Variants in ROBO2 observed in about 807,000 individuals in gnomAD.
The protein encoded by ROBO2 is roundabout homolog 2.
ROBO2 carries 53 observed loss-of-function variants against 160.8 expected under a neutral mutation model. The observed-to-expected ratio is 0.33, with a 90% CI of 0.26 to 0.41. ROBO2 has a LOEUF of 0.41. Among genes scored for constraint, ROBO2 ranks in the 10% least tolerant of loss-of-function variants. The pLI, the probability that ROBO2 is intolerant of heterozygous loss-of-function variation, is 1.00. For missense variants in ROBO2, 1,577 were observed against 1,722.4 expected, an observed-to-expected ratio of 0.92 and a Z score of 1.49; for synonymous variants, 664 against 611.7, an observed-to-expected ratio of 1.09 and a Z score of -1.26.
chr3:77,346,402 C>T (rs2067644024), intron 2 of ROBO2, among the ~76,000 whole-genome samples: 1 of 152,074 alleles, frequency 6.6e-6, no homozygotes, highest in South Asian at 2.1e-4. Flanking sequence ...TTTATTACTC[C>T]TCATTCTACT....
chr3:77,327,416 T>A (rs2065513849), intron 2 of ROBO2, among the ~76,000 whole-genome samples: 1 of 152,146 alleles, frequency 6.6e-6, no homozygotes, highest in African/African-American at 2.4e-5. Context: ...AAGAACTAGA[T>A]AAATAACAAA....
chr3:76,398,330 TGGGGGGA>T lies in ROBO2; in HGVS notation c.109+460731_109+460737del, dbSNP rs1249431012. Among the ~76,000 whole-genome samples the T allele has an allele frequency of 3.4e-5, 3 of 87,674 alleles. No homozygotes were observed. In the East Asian group the frequency reaches 1.4e-3, roughly 40 times the overall value. 57.5% of individuals were successfully genotyped at this position (87,674 alleles called of 152,430 possible). A position where few individuals can be genotyped will look rare whatever the true frequency, so the allele number is the denominator to read the frequency against. On this transcript the variant is annotated intron_variant, in intron 2 of 26. Coordinates refer to the ROBO2 transcript ENST00000487694. ...TCACACTCTGGGGACTGTTGTGGGGTGGGGGGAGGAGGGAGGGATAGCATTAGGAGAT... is the reference window on the plus strand; with the variant it reads ...TCACACTCTGGGGACTGTTGTGGGGTGGAGGGAGGGATAGCATTAGGAGAT...
chr3:77,131,023 A>AAT (rs1425540461), intron 2 of ROBO2, among the ~76,000 whole-genome samples: 2 of 152,082 alleles, frequency 1.3e-5, no homozygotes, highest in African/African-American at 2.4e-5. Flanking sequence ...TTTCCTTTGA[A>AAT]ATATATATAT....
rs10713218 is a variant in ROBO2, at chr3:76,331,690, A to ATT, written c.109+394102_109+394103dup. Reference sequence around the variant, plus strand: ...TTGTTCTATTTTAAGTAATATTTGAATTTTTTTTTTTTTTTCGAGACGTAA... The same window carrying ATT: ...TTGTTCTATTTTAAGTAATATTTGAATTTTTTTTTTTTTTTTTCGAGACGTAA... On this transcript the variant is annotated intron_variant, in intron 2 of 26. Transcript: ENST00000487694. Among the ~76,000 whole-genome samples, 438 of 144,386 alleles carry ATT rather than the reference A, an allele frequency of 3.0e-3. 3 individuals are homozygous for ATT. Among genetic ancestry groups the ATT allele is most frequent in the Non-Finnish European group, 5.3e-3 (353 of 66,202 alleles). The allele number at this position is 144,386 out of a possible 152,430, so 94.7% of individuals were successfully genotyped here.
At position 76,075,428 on chromosome 3, in the gene ROBO2, A is replaced by G. The variant is rs1163416837; in HGVS notation, c.109+137826A>G. Among the ~76,000 whole-genome samples the G allele has an allele frequency of 2.6e-5, 4 of 151,204 alleles. No homozygotes were observed. In the East Asian group the frequency reaches 7.8e-4, roughly 30 times the overall value. On this transcript the variant is annotated intron_variant, in intron 2 of 26. Coordinates refer to the ROBO2 transcript ENST00000487694. ...CTGTCTTTGCCTCCTGTCTGGAGTT[A>G]AATGAGGGATATTTTTAAAAATGTT...
chr3:76,061,886 A>G (rs1370095957), intron 2 of ROBO2, among the ~76,000 whole-genome samples: 1 of 152,094 alleles, frequency 6.6e-6, no homozygotes, highest in Non-Finnish European at 1.5e-5. Context: ...GGCCACCCGC[A>G]TTCTTTGGCC....
At chr3:76,224,080 G>A (rs558849325) in intron 2 of ROBO2, among the ~76,000 whole-genome samples, 9 of 152,242 alleles carry the variant, frequency 5.9e-5, no homozygotes, top group African/African-American at 1.7e-4. Context: ...AACTACATGA[G>A]CCATTTTCTA....
chr3:76,647,798 GA>G (rs1488167886), intron 2 of ROBO2, among the ~76,000 whole-genome samples: 1 of 152,068 alleles, frequency 6.6e-6, no homozygotes, highest in Non-Finnish European at 1.5e-5. Context: ...AAAAATGGGG[GA>G]AAGAAGATCT....
At chr3:75,981,909 C>T (rs898816562) in intron 2 of ROBO2, among the ~76,000 whole-genome samples, 1 of 151,360 alleles carries the variant, frequency 6.6e-6, no homozygotes, top group African/African-American at 2.4e-5. Context: ...CCTCTGCCCC[C>T]TCCCAAAAAC....
intron 2 of ROBO2, among the ~76,000 whole-genome samples, chr3:76,060,725 G>T (rs988244425): frequency 1.3e-5 from 2 of 152,154 alleles, no homozygotes; most frequent in African/African-American, 4.8e-5. Context: ...TACAACTCTT[G>T]AATTTTTTCA....
chr3:76,541,560 T>G (rs1018348332), intron 2 of ROBO2, among the ~76,000 whole-genome samples: 3 of 152,154 alleles, frequency 2.0e-5, no homozygotes, highest in Non-Finnish European at 2.9e-5. Context: ...TAAAGACAAG[T>G]GAGAATTGGC....
chr3:76,269,098 T>G (rs1174335862), intron 2 of ROBO2, among the ~76,000 whole-genome samples: 1 of 152,112 alleles, frequency 6.6e-6, no homozygotes, highest in Non-Finnish European at 1.5e-5. Context: ...TAGTATTTGA[T>G]AGCACAGCAG....
At chr3:76,131,427 A>T (rs1326841519) in intron 2 of ROBO2, among the ~76,000 whole-genome samples, 1 of 152,144 alleles carries the variant, frequency 6.6e-6, no homozygotes, top group African/African-American at 2.4e-5. Flanking sequence ...TGAAAAAATA[A>T]TGTGAGATTG....
chr3:76,103,185 A>G (rs974064942), intron 2 of ROBO2, among the ~76,000 whole-genome samples: 3 of 152,202 alleles, frequency 2.0e-5, no homozygotes, highest in African/African-American at 7.2e-5. Context: ...TTCCAGGTAC[A>G]GGAGAAAGTC....
chr3:77,523,050 A>G, intron 6 of ROBO2, 148 bp downstream of exon 6: 1 of 854,446 alleles, frequency 1.2e-6, no homozygotes, highest in Non-Finnish European at 1.9e-6. Context: ...CATTAGTTGA[A>G]ATAAAATTAC....
At chr3:76,880,001 G>A (rs540056087) in intron 2 of ROBO2, among the ~76,000 whole-genome samples, 17 of 152,250 alleles carry the variant, frequency 1.1e-4, no homozygotes, top group South Asian at 2.1e-4. Flanking sequence ...AGTTCTCAGA[G>A]TAATGATTTA....
At chr3:76,969,067 T>C (rs1416521961) in intron 2 of ROBO2, among the ~76,000 whole-genome samples, 1 of 152,172 alleles carries the variant, frequency 6.6e-6, no homozygotes, top group Non-Finnish European at 1.5e-5. Context: ...AAATAAAGAC[T>C]TGGAGTAAGT....
chr3:76,131,522 A>G (rs1466888865), intron 2 of ROBO2, among the ~76,000 whole-genome samples: 1 of 152,108 alleles, frequency 6.6e-6, no homozygotes, highest in Admixed American at 6.6e-5. Flanking sequence ...ACAGAGCAAG[A>G]GGCTGAACCA....
intron 2 of ROBO2, among the ~76,000 whole-genome samples, chr3:76,987,650 G>T (rs192318073): frequency 6.6e-6 from 1 of 152,084 alleles, no homozygotes; most frequent in African/African-American, 2.4e-5. Context: ...AAAAGCCAGT[G>T]ATATTTTATG....
Sources: allele counts gnomAD v4.1 joint callset (sites outside exome capture counted in the v4.1 genomes callset), GRCh38; gene constraint gnomAD v4.1.1; transcripts MANE v1.5; gene names NCBI Gene and HGNC (gene_info 2026-07-23, HGNC 2026-07-21).